Variants in CPEB3 observed in about 807,000 individuals in gnomAD.
CPEB3 encodes cytoplasmic polyadenylation element-binding protein 3.
CPEB3 carries 20 observed loss-of-function variants against 67.2 expected under a neutral mutation model. The ratio of observed to expected loss-of-function variants is 0.30; its 90% confidence interval spans 0.21 to 0.43. CPEB3 has a LOEUF of 0.43. Among genes scored for constraint, CPEB3 ranks in the 20% least tolerant of loss-of-function variants. CPEB3 has a pLI of 1.00. For synonymous variants in CPEB3, 376 were observed against 393.1 expected (o/e 0.96, Z 0.51); for missense variants, 746 against 968.6 (o/e 0.77, Z 3.05).
At chr10:92,076,062 T>G (rs746868114) in intron 9 of CPEB3, among the ~76,000 whole-genome samples, 1 of 152,216 alleles carries the variant, frequency 6.6e-6, no homozygotes, top group Admixed American at 6.5e-5. Flanking sequence ...GCTCTGCAGG[T>G]GGCCCACTCC....
chr10:92,125,151 A>T (rs976098829), intron 6 of CPEB3, among the ~76,000 whole-genome samples: 9 of 152,242 alleles, frequency 5.9e-5, no homozygotes, highest in Non-Finnish European at 8.8e-5. Flanking sequence ...AACTTTTCTA[A>T]AAGTGGGTGG....
intron 1 of CPEB3, among the ~76,000 whole-genome samples, chr10:92,264,214 A>G (rs940558699): frequency 6.6e-6 from 1 of 151,778 alleles, no homozygotes; most frequent in African/African-American, 2.4e-5. Context: ...TGCAATCCCA[A>G]CTACTTGGGA....
At chr10:92,178,177 T>A (rs1043361605) in intron 4 of CPEB3, among the ~76,000 whole-genome samples, 1 of 150,926 alleles carries the variant, frequency 6.6e-6, no homozygotes, top group African/African-American at 2.4e-5. Flanking sequence ...TTTTTTTTTT[T>A]AGATGGAGTC....
intron 2 of CPEB3, among the ~76,000 whole-genome samples, chr10:92,193,793 CTT>C (rs200892287): frequency 7.0e-6 from 1 of 143,730 alleles, no homozygotes; most frequent in Non-Finnish European, 1.5e-5. Flanking sequence ...TTTAACATTT[CTT>C]TTTTTTTTTT....
intron 6 of CPEB3, among the ~76,000 whole-genome samples, chr10:92,114,890 AT>A (rs1844928374): frequency 6.6e-6 from 1 of 152,210 alleles, no homozygotes; most frequent in Non-Finnish European, 1.5e-5. Flanking sequence ...GTGAGTATTG[AT>A]TTTTCTTTTA....
intron 2 of CPEB3, among the ~76,000 whole-genome samples, chr10:92,194,511 T>C (rs1350274811): frequency 6.6e-6 from 1 of 152,144 alleles, no homozygotes; most frequent in African/African-American, 2.4e-5. Flanking sequence ...AAATTTTTAA[T>C]GTGTCCAAAG....
chr10:92,269,915 G>C (rs1408077644), intron 1 of CPEB3, among the ~76,000 whole-genome samples: 1 of 151,474 alleles, frequency 6.6e-6, no homozygotes, highest in East Asian at 1.9e-4. Flanking sequence ...GTCTCCTTCG[G>C]TGATACGACA....
intron 2 of CPEB3, among the ~76,000 whole-genome samples, chr10:92,205,841 G>A (rs1849763036): frequency 6.6e-6 from 1 of 152,040 alleles, no homozygotes; most frequent in African/African-American, 2.4e-5. Context: ...TATGTGTTAT[G>A]TAAGCATTCC....
intron 9 of CPEB3, among the ~76,000 whole-genome samples, chr10:92,057,916 C>G (rs1270193274): frequency 6.6e-6 from 1 of 152,182 alleles, no homozygotes; most frequent in Non-Finnish European, 1.5e-5. Flanking sequence ...GCAGAAACAG[C>G]TTAGAATACA....
intron 6 of CPEB3, among the ~76,000 whole-genome samples, chr10:92,135,753 A>G (rs567883443): frequency 6.6e-6 from 1 of 152,340 alleles, no homozygotes; most frequent in African/African-American, 2.4e-5. Flanking sequence ...AAAGACTTGG[A>G]GCCAACCAAA....
At chr10:92,186,725 A>G (rs1278247441) in intron 3 of CPEB3, among the ~76,000 whole-genome samples, 1 of 152,098 alleles carries the variant, frequency 6.6e-6, no homozygotes, top group African/African-American at 2.4e-5. Flanking sequence ...GTGAGCCACC[A>G]TGCCTGGCCG....
rs115735799 is a variant in CPEB3, at chr10:92,239,511, G to A, written c.840C>T (p.Val280=). The A allele has an allele frequency of 3.0e-3, 4,756 of 1,574,952 alleles. 126 individuals are homozygous for A. The African/African-American group carries it at 0.057, about 19-fold the overall frequency. Residue 280 remains valine (V), a synonymous_variant, in exon 2 of 10, where the codon GTC becomes GTT. Transcript: ENST00000265997. This position sits in a 1 kb window ranked among gnomAD's most constrained non-coding sequence, Gnocchi z 6.0. ...TGGGGTTGAGCGGGGAAGGCACCCCGACACCCACACCCACGCCCACACCGA... is the reference window on the plus strand; with the variant it reads ...TGGGGTTGAGCGGGGAAGGCACCCCAACACCCACACCCACGCCCACACCGA... ...RAVGVGVGVG[V]GVPSPLNPIS...
rs1454105127 is a variant in CPEB3 at position 92,250,858 on chromosome 10, A to AGTTTT, written c.-11-10498_-11-10497insAAAAC. Among the ~76,000 whole-genome samples the AGTTTT allele has an allele frequency of 8.6e-5, 9 of 104,120 alleles. 1 individual carries two copies. Among genetic ancestry groups the AGTTTT allele is most frequent in the Non-Finnish European group, 1.1e-4 (6 of 52,394 alleles). 68.3% of individuals were successfully genotyped at this position (104,120 alleles called of 152,430 possible). A position where few individuals can be genotyped will look rare whatever the true frequency, so the allele number is the denominator to read the frequency against. ...GCGCCTGCCACCACACACACAGTTA[A>AGTTTT]TTTTTTTTTTTTTTTTTTTTTTTTT... On this transcript the variant is annotated intron_variant, in intron 1 of 9. Coordinates refer to ENST00000265997, the MANE Select transcript of CPEB3 (RefSeq NM_014912.5).
intron 2 of CPEB3, among the ~76,000 whole-genome samples, chr10:92,222,286 C>T (rs1850742052): frequency 6.6e-6 from 1 of 151,900 alleles, no homozygotes; most frequent in Non-Finnish European, 1.5e-5. Flanking sequence ...ATCCACCCAC[C>T]TCAGCCTCCC....
intron 7 of CPEB3, among the ~76,000 whole-genome samples, chr10:92,106,814 C>CAAAA (rs531195477): frequency 5.3e-3 from 287 of 54,482 alleles, no homozygotes; most frequent in South Asian, 7.3e-3. Flanking sequence ...GACTCTGTCT[C>CAAAA]AAAAAAAAAA....
rs548359057 is a variant in CPEB3, at chr10:92,227,241, T to C, written c.1005+12105A>G. Among the ~76,000 whole-genome samples the C allele has an allele frequency of 1.3e-4, 20 of 152,288 alleles. No individual in the cohort carries two copies. In the East Asian group the frequency reaches 3.7e-3, roughly 28 times the overall value. On this transcript the variant is annotated intron_variant, in intron 2 of 9. Transcript: ENST00000265997. ...TAGGTAATATTCTCTGAGTCTCAAA[T>C]AGGATAATAATCCCTAATTCACAAG...
chr10:92,131,082 G>A (rs182378638), intron 6 of CPEB3, among the ~76,000 whole-genome samples: 7 of 152,266 alleles, frequency 4.6e-5, no homozygotes, highest in Admixed American at 3.9e-4. Context: ...TTAGCTGAGA[G>A]CAAAACACAA....
intron 4 of CPEB3, among the ~76,000 whole-genome samples, chr10:92,172,388 G>A (rs1373307155): frequency 6.6e-6 from 1 of 152,158 alleles, no homozygotes; most frequent in Non-Finnish European, 1.5e-5. Flanking sequence ...AATTCCTGCT[G>A]CTATTGAAGG....
At chr10:92,253,463 C>CAAAAAAAAAAAA (rs370091703) in intron 1 of CPEB3, among the ~76,000 whole-genome samples, 4 of 76,804 alleles carry the variant, frequency 5.2e-5, no homozygotes, top group African/African-American at 1.4e-4. Flanking sequence ...TGTCTCAAAA[C>CAAAAAAAAAAAA]AAAAAAAAAA....
Sources: gnomAD v4.1 joint callset for allele counts (sites outside exome capture counted in the v4.1 genomes callset) on GRCh38, gnomAD v4.1.1 for gene constraint, Gnocchi (gnomAD v3.1) non-coding constraint, MANE v1.5 for transcripts, NCBI Gene and HGNC (gene_info 2026-07-23, HGNC 2026-07-21) for gene names.